The following PPP3CA variants were observed in gnomAD, a reference collection of about 807,000 sequenced individuals.
PPP3CA encodes the protein protein phosphatase 3 catalytic subunit alpha, also known as CAM-PRP catalytic subunit.
In PPP3CA, 14 loss-of-function variants were observed where a neutral mutation model predicts 66.5. The ratio of observed to expected loss-of-function variants is 0.21; its 90% CI spans 0.14 to 0.33. The LOEUF is 0.33. PPP3CA is among the 10% of genes least tolerant of loss of function. The pLI, the probability that PPP3CA is intolerant of heterozygous loss-of-function variation, is 1.00. For missense variants in PPP3CA, 317 were observed against 639.5 expected, an observed-to-expected ratio of 0.50 and a Z score of 5.44; for synonymous variants, 232 against 226.2, an observed-to-expected ratio of 1.03 and a Z score of -0.23.
chr4:101,177,386 A>G (rs1238790825), intron 2 of PPP3CA, among the ~76,000 whole-genome samples: 1 of 152,150 alleles, frequency 6.6e-6, no homozygotes, highest in Admixed American at 6.6e-5. Context: ...GAATTACAGG[A>G]AGACATTGTC....
chr4:101,132,212 C>G (rs990508230), intron 2 of PPP3CA, among the ~76,000 whole-genome samples: 2 of 151,992 alleles, frequency 1.3e-5, no homozygotes, highest in African/African-American at 4.8e-5. Context: ...CAAGAGCAAA[C>G]AAATTCAAAA....
At position 101,106,458 on chromosome 4, in the gene PPP3CA, A is replaced by AGAAAGAAAGAAAGAAAGAAAGAAAGAAG. The variant is rs1560605216; in HGVS notation, c.384+2495_384+2496insCTTCTTTCTTTCTTTCTTTCTTTCTTTC. On this transcript the variant is annotated intron_variant, in intron 3 of 13. Transcript: ENST00000394854. ...GAAAGAAAGAAAGAAAGAAAGAGAA[A>AGAAAGAAAGAAAGAAAGAAAGAAAGAAG]AGAAAAGAAAAGAAAAGAAAAGAAA... 7.0e-3 allele frequency among the ~76,000 whole-genome samples: 229 copies of AGAAAGAAAGAAAGAAAGAAAGAAAGAAG among 32,708 alleles called. 48 individuals are homozygous for AGAAAGAAAGAAAGAAAGAAAGAAAGAAG. Among genetic ancestry groups the AGAAAGAAAGAAAGAAAGAAAGAAAGAAG allele is most frequent in the Non-Finnish European group, 8.4e-3 (145 of 17,298 alleles). The allele number at this position is 32,708 out of a possible 152,430, so 21.5% of individuals were successfully genotyped here.
chr4:101,107,457 C>A (rs920041546), intron 3 of PPP3CA, among the ~76,000 whole-genome samples: 1 of 152,126 alleles, frequency 6.6e-6, no homozygotes, highest in Non-Finnish European at 1.5e-5. Flanking sequence ...ATATGCTTGA[C>A]CATACTTGTT....
At chr4:101,088,244 T>C (rs1729758359) in intron 6 of PPP3CA, among the ~76,000 whole-genome samples, 1 of 152,164 alleles carries the variant, frequency 6.6e-6, no homozygotes, top group Non-Finnish European at 1.5e-5. Context: ...TGAGCTCTGC[T>C]ACTGGACTGC....
intron 2 of PPP3CA, among the ~76,000 whole-genome samples, chr4:101,173,191 C>T (rs1418651538): frequency 6.6e-6 from 1 of 151,874 alleles, no homozygotes; most frequent in East Asian, 1.9e-4. Flanking sequence ...AGGGCTTTTG[C>T]CTTTATTGGG....
intron 8 of PPP3CA, among the ~76,000 whole-genome samples, chr4:101,064,486 C>G (rs1278240974): frequency 1.3e-5 from 2 of 151,908 alleles, no homozygotes; most frequent in African/African-American, 4.8e-5. Context: ...AAGACAGTAA[C>G]CAACAGATTT....
chr4:101,100,385 G>A (rs1730389147), intron 3 of PPP3CA, among the ~76,000 whole-genome samples: 1 of 152,048 alleles, frequency 6.6e-6, no homozygotes, highest in Admixed American at 6.6e-5. Flanking sequence ...GCTTTACAAA[G>A]AGAAGTGACC....
chr4:101,288,500 T>C (rs1412742011), intron 1 of PPP3CA, among the ~76,000 whole-genome samples: 2 of 151,262 alleles, frequency 1.3e-5, no homozygotes, highest in Non-Finnish European at 2.9e-5. Context: ...CAGATTATAA[T>C]TTTTAAAAGA....
intron 1 of PPP3CA, among the ~76,000 whole-genome samples, chr4:101,296,518 T>C (rs1281103446): frequency 6.6e-6 from 1 of 152,182 alleles, no homozygotes; most frequent in South Asian, 2.1e-4. Context: ...AACCAGTTCA[T>C]CTTTTTTGCT....
At chr4:101,098,293 G>A in intron 5 of PPP3CA, 74 bp downstream of exon 5, 1 of 1,402,690 alleles carries the variant, frequency 7.1e-7, no homozygotes, top group Non-Finnish European at 9.5e-7. Context: ...AGTGATAAAG[G>A]CAGGGTAATT....
intron 2 of PPP3CA, among the ~76,000 whole-genome samples, chr4:101,134,242 G>A (rs1228752043): frequency 1.3e-5 from 2 of 152,130 alleles, no homozygotes; most frequent in Admixed American, 6.5e-5. Context: ...TGACAAATAG[G>A]ATCTAATTAA....
At chr4:101,333,276 T>TG in intron 1 of PPP3CA, among the ~76,000 whole-genome samples, 2 of 33,726 alleles carry the variant, frequency 5.9e-5, no homozygotes, top group South Asian at 1.1e-3. Flanking sequence ...CCCAGTTTTT[T>TG]TTTTTTTTTT....
intron 11 of PPP3CA, among the ~76,000 whole-genome samples, chr4:101,035,632 A>G (rs1488372545): frequency 1.3e-5 from 2 of 152,194 alleles, no homozygotes; most frequent in African/African-American, 4.8e-5. Flanking sequence ...CAAAAGCCCC[A>G]GCATAGAAGA....
At chr4:101,026,460 C>T (rs1302505144) in intron 13 of PPP3CA, among the ~76,000 whole-genome samples, 1 of 152,170 alleles carries the variant, frequency 6.6e-6, no homozygotes, top group African/African-American at 2.4e-5. Flanking sequence ...TGCAGCATGT[C>T]CCTCTTTGTA....
chr4:101,040,937 C>A (rs1288644466), intron 10 of PPP3CA, among the ~76,000 whole-genome samples: 1 of 152,124 alleles, frequency 6.6e-6, no homozygotes, highest in Non-Finnish European at 1.5e-5. Context: ...AGTTAAGTAC[C>A]TTATCACCAT....
chr4:101,325,901 G>A (rs1226158269), intron 1 of PPP3CA, among the ~76,000 whole-genome samples: 3 of 152,188 alleles, frequency 2.0e-5, no homozygotes, highest in Non-Finnish European at 4.4e-5. Flanking sequence ...ACTTTGGGGG[G>A]CTGAGGTTAG....
chr4:101,120,892 C>T (rs17829566), intron 2 of PPP3CA, among the ~76,000 whole-genome samples: 19,618 of 151,926 alleles, frequency 0.13, 1,397 homozygotes, highest in South Asian at 0.2. Context: ...ACATATGTGG[C>T]TGTCTCTAAT....
chr4:101,081,879 A>G (rs1729454921), intron 7 of PPP3CA, among the ~76,000 whole-genome samples: 2 of 152,226 alleles, frequency 1.3e-5, no homozygotes. Context: ...TTTCACTCTT[A>G]ATCCTAGTAC....
rs143535404 is a variant in PPP3CA, at chr4:101,229,094, A to T, written c.59-32978T>A. On this transcript the variant is annotated intron_variant, in intron 1 of 13. Transcript: ENST00000394854. ...AAATAAAATGATCAGCAGTTTAATAAGTAAATTATATCTCTTCAATAGGTG... is the reference window on the plus strand; with the variant it reads ...AAATAAAATGATCAGCAGTTTAATATGTAAATTATATCTCTTCAATAGGTG... Among the ~76,000 whole-genome samples the T allele has an allele frequency of 1.7e-3, 254 of 151,812 alleles. 1 individual carries two copies. Among genetic ancestry groups the T allele is most frequent in the African/African-American group, 5.7e-3 (237 of 41,506 alleles).
Sources: allele counts gnomAD v4.1 joint callset (sites outside exome capture counted in the v4.1 genomes callset), GRCh38; gene constraint gnomAD v4.1.1; transcripts MANE v1.5; gene names NCBI Gene and HGNC (gene_info 2026-07-23, HGNC 2026-07-21).